Variants in ROBO1 observed in about 807,000 individuals in gnomAD.
ROBO1 encodes roundabout guidance receptor 1.
A neutral mutation model predicts 195.9 loss-of-function variants in ROBO1; 149 were observed. That is an observed-to-expected ratio of 0.76 (90% confidence interval 0.67 to 0.87). The LOEUF (loss-of-function observed/expected upper bound fraction) is 0.87, where lower values mean the gene tolerates loss of function less well. Among genes scored for constraint, ROBO1 ranks in the 40% least tolerant of loss-of-function variants. ROBO1 has a pLI of 0.00. For missense variants in ROBO1, 1,933 were observed against 2,068.3 expected (o/e 0.93, Z 1.27); for synonymous variants, 816 against 733.2 (o/e 1.11, Z -1.82).
At chr3:79,496,935 A>G (rs1295724016) in intron 2 of ROBO1, among the ~76,000 whole-genome samples, 3 of 152,206 alleles carry the variant, frequency 2.0e-5, no homozygotes, top group South Asian at 2.1e-4. Flanking sequence ...CAACCTGTCA[A>G]TGTTGCTTTG....
chr3:79,052,643 TTC>T (rs555203106), intron 3 of ROBO1, among the ~76,000 whole-genome samples: 32 of 152,092 alleles, frequency 2.1e-4, no homozygotes, highest in Non-Finnish European at 4.4e-4. Flanking sequence ...GCTGTAAAAT[TTC>T]TCTCTTTTGT....
intron 2 of ROBO1, among the ~76,000 whole-genome samples, chr3:79,318,684 T>C (rs1004660276): frequency 5.3e-5 from 8 of 152,210 alleles, no homozygotes; most frequent in African/African-American, 1.9e-4. Context: ...TCAACCACAA[T>C]AGCGATGCAT....
intron 4 of ROBO1, among the ~76,000 whole-genome samples, chr3:78,789,097 G>A (rs534270982): frequency 1.6e-4 from 25 of 152,148 alleles, no homozygotes; most frequent in South Asian, 1.2e-3. Context: ...TGAATACAGC[G>A]CTAAAATCTA....
chr3:79,410,098 T>C (rs1042287469), intron 2 of ROBO1, among the ~76,000 whole-genome samples: 1 of 152,144 alleles, frequency 6.6e-6, no homozygotes. Flanking sequence ...ACTTTGATTA[T>C]AGAACTGTGT....
intron 4 of ROBO1, among the ~76,000 whole-genome samples, chr3:78,927,802 C>G (rs921994976): frequency 6.6e-6 from 1 of 152,226 alleles, no homozygotes; most frequent in Non-Finnish European, 1.5e-5. Flanking sequence ...GAGAAGATGA[C>G]TAACCCAGGA....
intron 2 of ROBO1, among the ~76,000 whole-genome samples, chr3:79,502,302 C>A (rs1304074371): frequency 1.3e-5 from 2 of 152,138 alleles, no homozygotes; most frequent in Non-Finnish European, 2.9e-5. Flanking sequence ...CGCTTGCGGG[C>A]CAGCGCGAGT....
chr3:79,593,848 C>A (rs954292346), intron 1 of ROBO1, among the ~76,000 whole-genome samples: 4 of 151,978 alleles, frequency 2.6e-5, no homozygotes, highest in African/African-American at 9.7e-5. Flanking sequence ...AACTCCTGAG[C>A]ACAAGGGATC....
At chr3:79,133,757 G>A (rs1463431602) in intron 2 of ROBO1, among the ~76,000 whole-genome samples, 30 of 125,434 alleles carry the variant, frequency 2.4e-4, no homozygotes, top group African/African-American at 7.1e-4. Context: ...GAGGAGAGGC[G>A]CTCTGCGTTT....
chr3:78,999,103 T>C (rs2077435211), intron 3 of ROBO1, among the ~76,000 whole-genome samples: 1 of 152,054 alleles, frequency 6.6e-6, no homozygotes, highest in African/African-American at 2.4e-5. Flanking sequence ...GGAACACTTA[T>C]TATACACTGT....
intron 4 of ROBO1, among the ~76,000 whole-genome samples, chr3:78,909,017 T>C (rs923782678): frequency 1.3e-5 from 2 of 151,888 alleles, no homozygotes; most frequent in Admixed American, 6.6e-5. Context: ...AAAGATTACC[T>C]TTAATTACAA....
rs529196495 is a variant in ROBO1 at position 78,820,253 on chromosome 3, T to A, written c.500-73353A>T. On this transcript the variant is annotated intron_variant, in intron 4 of 30. Transcript: ENST00000464233. ...GCACTGTTGTTTTTGATGGTTTTAA[T>A]TTTTTGTATGTATCTATGTAGGACA... 1.8e-4 allele frequency among the ~76,000 whole-genome samples: 27 copies of A among 152,354 alleles called. 1 individual carries two copies. The highest frequency in any genetic ancestry group is 6.3e-4 in the African/African-American group (26 of 41,578).
At chr3:79,464,010 C>T (rs777434675) in intron 2 of ROBO1, among the ~76,000 whole-genome samples, 3 of 152,134 alleles carry the variant, frequency 2.0e-5, no homozygotes, top group South Asian at 2.1e-4. Flanking sequence ...CCGAACATTT[C>T]GTATAAATGG....
At chr3:79,678,622 C>A (rs1946853368) in intron 1 of ROBO1, among the ~76,000 whole-genome samples, 1 of 151,926 alleles carries the variant, frequency 6.6e-6, no homozygotes, top group Admixed American at 6.6e-5. Context: ...TAGGAATTTG[C>A]AAATAAGAAA....
chr3:79,649,802 C>T (rs1560069176), intron 1 of ROBO1, among the ~76,000 whole-genome samples: 2 of 151,894 alleles, frequency 1.3e-5, no homozygotes, highest in Non-Finnish European at 2.9e-5. Context: ...TCCTGGGGCC[C>T]AGAGAGAACA....
chr3:79,614,842 T>A (rs994405759), intron 1 of ROBO1, among the ~76,000 whole-genome samples: 1 of 152,050 alleles, frequency 6.6e-6, no homozygotes, highest in Admixed American at 6.6e-5. Context: ...ATAAAGAGTC[T>A]TATTTGGAAA....
intron 1 of ROBO1, among the ~76,000 whole-genome samples, chr3:79,759,549 G>T (rs868657436): frequency 6.6e-6 from 1 of 152,116 alleles, no homozygotes; most frequent in Admixed American, 6.5e-5. Context: ...ACTCTATAAA[G>T]AACTAAAACT....
At chr3:79,431,637 C>G (rs2038683919) in intron 2 of ROBO1, among the ~76,000 whole-genome samples, 1 of 152,078 alleles carries the variant, frequency 6.6e-6, no homozygotes, top group Non-Finnish European at 1.5e-5. Context: ...GATTATTTCA[C>G]ATATGTACTT....
chr3:78,833,382 T>G (rs2108749889), intron 4 of ROBO1, among the ~76,000 whole-genome samples: 1 of 152,282 alleles, frequency 6.6e-6, no homozygotes, highest in Admixed American at 6.5e-5. Flanking sequence ...TCACAACAGA[T>G]ATAAAAAATA....
intron 1 of ROBO1, among the ~76,000 whole-genome samples, chr3:79,745,611 G>A (rs1472143067): frequency 1.3e-5 from 2 of 152,110 alleles, no homozygotes; most frequent in East Asian, 3.9e-4. Flanking sequence ...TTTTCAAAAT[G>A]GGTGTGATAA....
Sources: gnomAD v4.1 joint callset for allele counts (sites outside exome capture counted in the v4.1 genomes callset) on GRCh38, gnomAD v4.1.1 for gene constraint, MANE v1.5 for transcripts, NCBI Gene and HGNC (gene_info 2026-07-23, HGNC 2026-07-21) for gene names.